The following DENND1A variants were observed in gnomAD, a reference collection of about 807,000 sequenced individuals.
DENND1A encodes the protein DENN domain containing 1A, also known as DENN domain-containing protein 1A.
In DENND1A, 51 loss-of-function variants were observed where a neutral mutation model predicts 113.7. That is an observed-to-expected ratio of 0.45 (90% confidence interval 0.36 to 0.57). The LOEUF (loss-of-function observed/expected upper bound fraction) is 0.57. DENND1A is among the 20% of genes least tolerant of loss of function. The probability of loss-of-function intolerance (pLI) is 0.00; values close to 1 mark genes in which losing one functional copy is unlikely to be tolerated. For synonymous variants in DENND1A, 565 were observed against 570.8 expected (o/e 0.99, Z 0.14); for missense variants, 1,258 against 1,395.9 (o/e 0.90, Z 1.57).
chr9:123,396,954 C>T (rs1294987747), intron 21 of DENND1A, among the ~76,000 whole-genome samples: 1 of 152,162 alleles, frequency 6.6e-6, no homozygotes, highest in African/African-American at 2.4e-5. Context: ...GGCTTTTGGT[C>T]TTAACAAGGC....
chr9:123,854,676 C>CA (rs1843885754), intron 2 of DENND1A, among the ~76,000 whole-genome samples: 1 of 147,358 alleles, frequency 6.8e-6, no homozygotes, highest in Non-Finnish European at 1.5e-5. Flanking sequence ...GCCTGGGTGA[C>CA]AGAGTGATAC....
chr9:123,552,173 C>T (rs901563335), intron 13 of DENND1A, among the ~76,000 whole-genome samples: 4 of 152,112 alleles, frequency 2.6e-5, no homozygotes, highest in Non-Finnish European at 5.9e-5. Context: ...GGCCAGAGCT[C>T]GACCCCTCCT....
chr9:123,599,034 AC>A (rs892706393), intron 11 of DENND1A, among the ~76,000 whole-genome samples: 2 of 152,298 alleles, frequency 1.3e-5, no homozygotes, highest in Admixed American at 1.3e-4. Context: ...CAACCACAAA[AC>A]AAAACTTCAG....
At chr9:123,758,991 C>T (rs550902908) in intron 4 of DENND1A, among the ~76,000 whole-genome samples, 17 of 152,094 alleles carry the variant, frequency 1.1e-4, no homozygotes, top group African/African-American at 3.6e-4. Flanking sequence ...TTAGTAGAGA[C>T]GGGGTTTCTC....
At chr9:123,557,939 C>A (rs185926339) in intron 12 of DENND1A, among the ~76,000 whole-genome samples, 5 of 151,988 alleles carry the variant, frequency 3.3e-5, no homozygotes, top group Admixed American at 2.6e-4. Flanking sequence ...CTACAGTGAG[C>A]CGAGATTGCG....
chr9:123,441,091 G>T (rs1179648281), intron 18 of DENND1A, among the ~76,000 whole-genome samples: 20 of 151,952 alleles, frequency 1.3e-4, no homozygotes, highest in African/African-American at 4.8e-4. Flanking sequence ...AAATCCCCAG[G>T]AATGAAATTA....
At chr9:123,628,161 T>C (rs1254128852) in intron 10 of DENND1A, among the ~76,000 whole-genome samples, 2 of 151,854 alleles carry the variant, frequency 1.3e-5, no homozygotes, top group Non-Finnish European at 2.9e-5. Flanking sequence ...TCACTATAGA[T>C]GGCAAAACAG....
At chr9:123,407,658 C>T (rs1028975964) in intron 20 of DENND1A, among the ~76,000 whole-genome samples, 3 of 152,144 alleles carry the variant, frequency 2.0e-5, no homozygotes, top group Non-Finnish European at 4.4e-5. Context: ...CAGTGACTGG[C>T]CCCACCGGTG....
chr9:123,530,573 C>G (rs2055213464), intron 13 of DENND1A, among the ~76,000 whole-genome samples: 1 of 152,082 alleles, frequency 6.6e-6, no homozygotes, highest in African/African-American at 2.4e-5. Context: ...TAATAGTGAA[C>G]ATGGATGTTG....
chr9:123,659,756 T>C (rs2063136383), intron 8 of DENND1A, among the ~76,000 whole-genome samples: 1 of 152,218 alleles, frequency 6.6e-6, no homozygotes, highest in Admixed American at 6.5e-5. Flanking sequence ...AAAATTCATG[T>C]TCTTTCCACT....
intron 13 of DENND1A, among the ~76,000 whole-genome samples, chr9:123,464,356 C>T (rs751408877): frequency 3.9e-5 from 6 of 152,100 alleles, no homozygotes; most frequent in Admixed American, 1.3e-4. Flanking sequence ...TGTGGAGGAG[C>T]GGATAAACAA....
chr9:123,465,716 G>A (rs868802392), intron 13 of DENND1A, among the ~76,000 whole-genome samples: 3 of 152,058 alleles, frequency 2.0e-5, no homozygotes, highest in African/African-American at 2.4e-5. Context: ...TAGAAGTGCC[G>A]AACTAAAATA....
intron 5 of DENND1A, among the ~76,000 whole-genome samples, chr9:123,740,759 C>G (rs1409777062): frequency 6.6e-6 from 1 of 152,062 alleles, no homozygotes; most frequent in Non-Finnish European, 1.5e-5. Flanking sequence ...TCACATGGCT[C>G]GTAAGTCAGA....
chr9:123,382,967 G>A (rs1309064792), intron 23 of DENND1A, among the ~76,000 whole-genome samples: 1 of 152,232 alleles, frequency 6.6e-6, no homozygotes, highest in Non-Finnish European at 1.5e-5. Context: ...GCCCGGGGGC[G>A]CGAGTGAGAC....
chr9:123,418,215 C>T (rs941009401), intron 19 of DENND1A, among the ~76,000 whole-genome samples: 8 of 152,214 alleles, frequency 5.3e-5, no homozygotes, highest in Non-Finnish European at 8.8e-5. Context: ...GCCAACCCAC[C>T]GGCCCTGGCC....
At chr9:123,559,849 C>A (rs2057636451) in intron 12 of DENND1A, among the ~76,000 whole-genome samples, 1 of 152,170 alleles carries the variant, frequency 6.6e-6, no homozygotes, top group Admixed American at 6.5e-5. Flanking sequence ...ATTTTTCCCC[C>A]ACACCAGACC....
chr9:123,909,407 T>TAAAAATAAATAAAAAAA (rs1853545675), intron 1 of DENND1A, among the ~76,000 whole-genome samples: 2 of 146,500 alleles, frequency 1.4e-5, no homozygotes, highest in African/African-American at 5.0e-5. Flanking sequence ...AAATAAAAAA[T>TAAAAATAAATAAAAAAA]AAAAATAAAT....
chr9:123,541,642 C>A (rs529009556), intron 13 of DENND1A, among the ~76,000 whole-genome samples: 2 of 152,264 alleles, frequency 1.3e-5, no homozygotes, highest in African/African-American at 4.8e-5. Context: ...GACCAGCAAG[C>A]CAAACATAAA....
At chr9:123,822,834 T>A (rs1473307933) in intron 2 of DENND1A, among the ~76,000 whole-genome samples, 1 of 152,236 alleles carries the variant, frequency 6.6e-6, no homozygotes, top group African/African-American at 2.4e-5. Flanking sequence ...AAACTGGTTT[T>A]ATTACCCACC....
Sources: allele counts gnomAD v4.1 joint callset (sites outside exome capture counted in the v4.1 genomes callset), GRCh38; gene constraint gnomAD v4.1.1; transcripts MANE v1.5; gene names NCBI Gene and HGNC (gene_info 2026-07-23, HGNC 2026-07-21).